The following ELMO1 variants were observed in gnomAD, a reference collection of about 807,000 sequenced individuals.
The protein encoded by ELMO1 is engulfment and cell motility 1.
In ELMO1, 26 loss-of-function variants were observed where a neutral mutation model predicts 98.9. The observed-to-expected ratio is 0.26, with a 90% CI of 0.19 to 0.36. The LOEUF (loss-of-function observed/expected upper bound fraction) is 0.36. ELMO1 is among the 10% of genes least tolerant of loss of function. The pLI is 1.00. For missense variants in ELMO1, 627 were observed against 935.2 expected (o/e 0.67, Z 4.30); for synonymous variants, 346 against 346.0 (o/e 1.00, Z 0.00).
intron 14 of ELMO1, among the ~76,000 whole-genome samples, chr7:37,123,108 C>T (rs1424054185): frequency 6.6e-6 from 1 of 151,764 alleles, no homozygotes; most frequent in Admixed American, 6.6e-5. Context: ...ACACAACATA[C>T]CAGAATCTCT....
At chr7:37,139,394 T>C (rs1252460616) in intron 13 of ELMO1, among the ~76,000 whole-genome samples, 1 of 152,198 alleles carries the variant, frequency 6.6e-6, no homozygotes, top group Admixed American at 6.5e-5. Context: ...AAAATTAATG[T>C]ATGCCAATCA....
intron 6 of ELMO1, among the ~76,000 whole-genome samples, chr7:37,257,118 G>A (rs1795706298): frequency 6.6e-6 from 1 of 152,188 alleles, no homozygotes; most frequent in Non-Finnish European, 1.5e-5. Context: ...AGCATTCAGT[G>A]GTTAAAGGAG....
chr7:37,381,700 A>T (rs1467546648), intron 1 of ELMO1, among the ~76,000 whole-genome samples: 1 of 152,220 alleles, frequency 6.6e-6, no homozygotes, highest in Non-Finnish European at 1.5e-5. Context: ...AGAACATGAG[A>T]AATCCAGTGT....
At chr7:37,327,274 A>G (rs549877043) in intron 2 of ELMO1, among the ~76,000 whole-genome samples, 20 of 152,390 alleles carry the variant, frequency 1.3e-4, no homozygotes, top group African/African-American at 4.6e-4. Flanking sequence ...CCCATGTGAA[A>G]TAATTCATTT....
At chr7:37,057,419 C>G (rs35498684) in intron 15 of ELMO1, among the ~76,000 whole-genome samples, 18,821 of 152,238 alleles carry the variant, frequency 0.12, 1,536 homozygotes, top group African/African-American at 0.24. Context: ...CCTACCACCT[C>G]TCACTCCAGG....
chr7:37,034,551 G>C (rs1168977002), intron 15 of ELMO1, among the ~76,000 whole-genome samples: 1 of 152,052 alleles, frequency 6.6e-6, no homozygotes, highest in African/African-American at 2.4e-5. Context: ...TCCTACTGTT[G>C]GCTAGATGCC....
chr7:37,447,494 C>T (rs1805667893), intron 1 of ELMO1, among the ~76,000 whole-genome samples: 1 of 152,004 alleles, frequency 6.6e-6, no homozygotes, highest in Non-Finnish European at 1.5e-5. Context: ...GGGACCAAGC[C>T]TGAGGCTGGT....
intron 16 of ELMO1, among the ~76,000 whole-genome samples, chr7:37,012,907 T>C (rs898010768): frequency 6.6e-6 from 1 of 152,184 alleles, no homozygotes; most frequent in African/African-American, 2.4e-5. Flanking sequence ...CCTGATCTCA[T>C]TTGCTCTGTA....
intron 13 of ELMO1, among the ~76,000 whole-genome samples, chr7:37,186,473 A>C (rs1791213768): frequency 6.6e-6 from 1 of 152,220 alleles, no homozygotes; most frequent in Non-Finnish European, 1.5e-5. Flanking sequence ...TCAAAATAAA[A>C]ATCAAATTTA....
rs149485094 is a variant in ELMO1 at position 37,377,524 on chromosome 7, C to T, written c.-73-34761G>A. Reference sequence around the variant, plus strand: ...CAGAGGACGGTCACCCCTCTCAACGCTCTCTGGTAGACAGAGCAGGTCACT... The same window carrying T: ...CAGAGGACGGTCACCCCTCTCAACGTTCTCTGGTAGACAGAGCAGGTCACT... On this transcript the variant is annotated intron_variant, in intron 1 of 21. Transcript: ENST00000310758. 9.7e-4 allele frequency among the ~76,000 whole-genome samples: 147 copies of T among 152,232 alleles called. 1 individual carries two copies. The highest frequency in any genetic ancestry group is 3.1e-3 in the African/African-American group (130 of 41,548).
intron 5 of ELMO1, among the ~76,000 whole-genome samples, chr7:37,261,525 G>A (rs925667448): frequency 9.2e-5 from 14 of 152,132 alleles, no homozygotes; most frequent in South Asian, 4.1e-4. Context: ...GGAATCACAC[G>A]CTGAGGACCA....
intron 19 of ELMO1, among the ~76,000 whole-genome samples, chr7:36,872,125 TG>T (rs1377499450): frequency 6.6e-6 from 1 of 152,162 alleles, no homozygotes; most frequent in Non-Finnish European, 1.5e-5. Context: ...TTTTAGCCAA[TG>T]AAATGTGAAA....
intron 5 of ELMO1, chr7:37,269,470 C>A (rs1010218236): frequency 7.7e-6 from 1 of 130,698 alleles, no homozygotes; most frequent in Non-Finnish European, 1.6e-5. Flanking sequence ...GAGACATAGT[C>A]TCACTCTGTT....
chr7:36,877,973 A>T, intron 19 of ELMO1, 37 bp downstream of exon 19: 2 of 1,523,116 alleles, frequency 1.3e-6, no homozygotes, highest in Non-Finnish European at 1.8e-6. Context: ...CAACCAACCG[A>T]CCACCACTCA....
At chr7:37,367,720 C>T (rs1285980435) in intron 1 of ELMO1, among the ~76,000 whole-genome samples, 1 of 152,078 alleles carries the variant, frequency 6.6e-6, no homozygotes, top group Non-Finnish European at 1.5e-5. Context: ...AATCAGAATC[C>T]TCTAAGTCCC....
chr7:36,965,378 C>T (rs1285852832), intron 16 of ELMO1, among the ~76,000 whole-genome samples: 1 of 152,152 alleles, frequency 6.6e-6, no homozygotes, highest in Non-Finnish European at 1.5e-5. Flanking sequence ...TAATTAAAGG[C>T]ACTTTTCCCC....
At chr7:37,257,206 G>T (rs766266721) in intron 6 of ELMO1, among the ~76,000 whole-genome samples, 2 of 152,162 alleles carry the variant, frequency 1.3e-5, no homozygotes, top group African/African-American at 4.8e-5. Flanking sequence ...CAAGCTCCCC[G>T]GCAGGAAGGG....
chr7:37,317,888 T>C (rs80265712), intron 2 of ELMO1, among the ~76,000 whole-genome samples: 4,841 of 152,258 alleles, frequency 0.032, 157 homozygotes, highest in Admixed American at 0.088. Flanking sequence ...TTTTCCACAA[T>C]AAAATTATTA....
Position 37,367,983 on chromosome 7 carries a change from T to G in ELMO1, c.-73-25220A>C, listed in dbSNP as rs184825421. On this transcript the variant is annotated intron_variant, in intron 1 of 21. Coordinates refer to ENST00000310758, the MANE Select transcript of ELMO1 (RefSeq NM_014800.11). ...GACCAATACACAAGTCAATCATAAT[T>G]TTTTAAAGCATCTTAGGAACGTAGG... is the stretch of plus-strand genomic sequence containing the variant. 1.4e-3 allele frequency among the ~76,000 whole-genome samples: 220 copies of G among 152,332 alleles called. 3 individuals are homozygous for G. The highest frequency in any genetic ancestry group is 0.011 in the East Asian group (59 of 5,184).
Sources: gnomAD v4.1 joint callset for allele counts (sites outside exome capture counted in the v4.1 genomes callset) on GRCh38, gnomAD v4.1.1 for gene constraint, MANE v1.5 for transcripts, NCBI Gene and HGNC (gene_info 2026-07-23, HGNC 2026-07-21) for gene names.